LAMA2: variants seen among roughly 807,000 people sequenced by gnomAD.
LAMA2 encodes the protein laminin subunit alpha 2.
Under a neutral mutation model 364.8 loss-of-function variants are expected in LAMA2, and 269 were observed. The ratio of observed to expected loss-of-function variants is 0.74; its 90% CI spans 0.67 to 0.82. The LOEUF (loss-of-function observed/expected upper bound fraction) is 0.82, where lower values mean the gene tolerates loss of function less well. Ranked by LOEUF, LAMA2 falls within the 40% of genes least tolerant of loss-of-function variation. LAMA2 has a pLI of 0.00. For synonymous variants in LAMA2, 1,379 were observed against 1,370.6 expected, an observed-to-expected ratio of 1.01 and a Z score of -0.14; for missense variants, 3,807 against 3,873.2, an observed-to-expected ratio of 0.98 and a Z score of 0.45.
chr6:129,154,641 A>T lies in LAMA2; in HGVS notation c.1164A>T (p.Ile388=). 6.2e-7 allele frequency: 1 copy of T among 1,614,096 alleles called. No homozygotes were observed. The highest frequency in any genetic ancestry group is 8.5e-7 in the Non-Finnish European group (1 of 1,179,966). Residue 388 remains isoleucine, a synonymous_variant, in exon 8 of 65, where the codon ATA becomes ATT. Coordinates refer to ENST00000421865, the MANE Select transcript of LAMA2 (RefSeq NM_000426.4). ...CINCTQNTAG[I]NCETCTDGFF... ...ATTGTACCCAAAACACTGCTGGTAT[A>T]AACTGCGAGACATGTACTGATGGCT...
intron 3 of LAMA2, among the ~76,000 whole-genome samples, chr6:129,078,878 G>A (rs918110951): frequency 2.6e-5 from 4 of 152,170 alleles, no homozygotes; most frequent in African/African-American, 9.7e-5. Flanking sequence ...CGTCATATAA[G>A]TGGAACCACA....
At chr6:129,352,025 C>T (rs1277548603) in intron 31 of LAMA2, among the ~76,000 whole-genome samples, 2 of 152,170 alleles carry the variant, frequency 1.3e-5, no homozygotes, top group African/African-American at 4.8e-5. Flanking sequence ...GTATTTATAG[C>T]TTTTGGCTCC....
At chr6:129,196,899 C>T (rs940612533) in intron 12 of LAMA2, among the ~76,000 whole-genome samples, 7 of 152,098 alleles carry the variant, frequency 4.6e-5, no homozygotes, top group African/African-American at 9.7e-5. Flanking sequence ...CCTGACTGAA[C>T]GGACCCCCTT....
chr6:129,243,714 T>C (rs1785541559), intron 12 of LAMA2, among the ~76,000 whole-genome samples: 1 of 151,850 alleles, frequency 6.6e-6, no homozygotes. Context: ...CTGATTGTAG[T>C]GGTCACATTG....
intron 1 of LAMA2, among the ~76,000 whole-genome samples, chr6:129,008,240 C>A (rs573790492): frequency 6.6e-6 from 1 of 151,972 alleles, no homozygotes; most frequent in African/African-American, 2.4e-5. Flanking sequence ...CATTTACTGA[C>A]GTAAGCATTG....
At chr6:128,916,398 A>G (rs934246206) in intron 1 of LAMA2, among the ~76,000 whole-genome samples, 1 of 152,210 alleles carries the variant, frequency 6.6e-6, no homozygotes, top group Non-Finnish European at 1.5e-5. Context: ...AACTGTAGGT[A>G]CTAGTTTTAG....
chr6:128,990,472 T>C (rs1464841898), intron 1 of LAMA2, among the ~76,000 whole-genome samples: 1 of 152,204 alleles, frequency 6.6e-6, no homozygotes, highest in African/African-American at 2.4e-5. Context: ...TCTTAACTTG[T>C]TCTGTGCTTC....
At chr6:129,337,732 G>T (rs537848650) in intron 29 of LAMA2, among the ~76,000 whole-genome samples, 226 of 151,640 alleles carry the variant, frequency 1.5e-3, no homozygotes, top group Non-Finnish European at 2.6e-3. Flanking sequence ...TTTCCAGTGT[G>T]CAAAAAAAAA....
chr6:129,201,665 A>G (rs555973426), intron 12 of LAMA2, among the ~76,000 whole-genome samples: 1 of 152,270 alleles, frequency 6.6e-6, no homozygotes, highest in South Asian at 2.1e-4. Flanking sequence ...ACAAAGTCCA[A>G]TACTATTTAA....
intron 1 of LAMA2, among the ~76,000 whole-genome samples, chr6:129,023,391 GAATTCC>G (rs953132554): frequency 6.6e-6 from 1 of 152,084 alleles, no homozygotes; most frequent in African/African-American, 2.4e-5. Context: ...CCAATGTTCT[GAATTCC>G]ATTCTGCTCC....
intron 1 of LAMA2, among the ~76,000 whole-genome samples, chr6:128,942,317 C>A (rs1391793697): frequency 6.6e-6 from 1 of 151,828 alleles, no homozygotes; most frequent in African/African-American, 2.4e-5. Flanking sequence ...AATAACAGTA[C>A]ATCACCAGAT....
intron 1 of LAMA2, among the ~76,000 whole-genome samples, chr6:128,925,802 T>C (rs1156794826): frequency 6.6e-6 from 1 of 151,978 alleles, no homozygotes; most frequent in Non-Finnish European, 1.5e-5. Context: ...CAATATATGG[T>C]TTATTCTTTG....
intron 1 of LAMA2, among the ~76,000 whole-genome samples, chr6:128,908,379 G>C (rs966053835): frequency 5.3e-5 from 8 of 150,752 alleles, no homozygotes; most frequent in South Asian, 2.1e-4. Context: ...TGTATGTGTC[G>C]AGGAATTTAT....
chr6:129,117,960 G>A (rs1302427450), intron 4 of LAMA2, among the ~76,000 whole-genome samples: 1 of 152,160 alleles, frequency 6.6e-6, no homozygotes, highest in African/African-American at 2.4e-5. Context: ...GCATAATCAT[G>A]TGGATACTAC....
intron 49 of LAMA2, among the ~76,000 whole-genome samples, chr6:129,462,448 C>T (rs1051495482): frequency 4.6e-5 from 7 of 151,956 alleles, no homozygotes; most frequent in African/African-American, 1.7e-4. Flanking sequence ...CGTCATTGTG[C>T]ATTTTTGCCC....
chr6:129,426,183 A>C (rs913374565), intron 40 of LAMA2, among the ~76,000 whole-genome samples: 3 of 152,142 alleles, frequency 2.0e-5, no homozygotes, highest in Admixed American at 2.0e-4. Context: ...CTGAGCTTCA[A>C]AAATTCCTCT....
At chr6:129,364,781 C>G (rs368857945) in intron 32 of LAMA2, among the ~76,000 whole-genome samples, 25 of 152,074 alleles carry the variant, frequency 1.6e-4, no homozygotes, top group Non-Finnish European at 3.5e-4. Flanking sequence ...GCCTGAAGCT[C>G]GGCAATTTGT....
chr6:129,183,687 G>A (rs1005060465), intron 10 of LAMA2, among the ~76,000 whole-genome samples: 3 of 151,796 alleles, frequency 2.0e-5, no homozygotes, highest in African/African-American at 4.8e-5. Context: ...TTAATGGCTC[G>A]GCTTAACTTC....
intron 12 of LAMA2, among the ~76,000 whole-genome samples, chr6:129,247,278 C>T (rs999166227): frequency 1.3e-5 from 2 of 151,960 alleles, no homozygotes; most frequent in Non-Finnish European, 2.9e-5. Flanking sequence ...GGCGAAATCC[C>T]ATCTCTACAA....
Sources: gnomAD v4.1 joint callset for allele counts (sites outside exome capture counted in the v4.1 genomes callset) on GRCh38, gnomAD v4.1.1 for gene constraint, MANE v1.5 for transcripts, NCBI Gene and HGNC (gene_info 2026-07-23, HGNC 2026-07-21) for gene names.